UNC13B: variants seen among roughly 807,000 people sequenced by gnomAD.
UNC13B encodes protein unc-13 homolog B.
A neutral mutation model predicts 211.0 loss-of-function variants in UNC13B; 144 were observed. That is an observed-to-expected ratio of 0.68 (90% CI 0.60 to 0.78). The LOEUF is 0.78. Ranked by LOEUF, UNC13B falls within the 30% of genes least tolerant of loss-of-function variation. The pLI is 0.00. For missense variants in UNC13B, 1,777 were observed against 2,002.0 expected, an observed-to-expected ratio of 0.89 and a Z score of 2.14; for synonymous variants, 709 against 725.8, an observed-to-expected ratio of 0.98 and a Z score of 0.37.
At chr9:35,189,543 A>G (rs1035062254) in intron 1 of UNC13B, among the ~76,000 whole-genome samples, 2 of 152,230 alleles carry the variant, frequency 1.3e-5, no homozygotes, top group Non-Finnish European at 2.9e-5. Context: ...ATGTGAACTA[A>G]AAAATATTTA....
At chr9:35,250,856 T>C (rs1349647829) in intron 6 of UNC13B, among the ~76,000 whole-genome samples, 1 of 152,162 alleles carries the variant, frequency 6.6e-6, no homozygotes, top group East Asian at 1.9e-4. Flanking sequence ...TCTTCGATTC[T>C]TAGCATGTAT....
intron 11 of UNC13B, among the ~76,000 whole-genome samples, chr9:35,330,826 C>T (rs1028935655): frequency 7.2e-5 from 11 of 152,066 alleles, no homozygotes; most frequent in African/African-American, 2.2e-4. Context: ...GGCAGTGGAT[C>T]ATTTGGAAGG....
intron 5 of UNC13B, among the ~76,000 whole-genome samples, chr9:35,238,426 A>C (rs1348621935): frequency 6.6e-6 from 1 of 152,090 alleles, no homozygotes; most frequent in Admixed American, 6.6e-5. Flanking sequence ...ATCATACCCT[A>C]TGTAATATTT....
chr9:35,171,805 A>T (rs1184991156), intron 1 of UNC13B, among the ~76,000 whole-genome samples: 5 of 152,174 alleles, frequency 3.3e-5, no homozygotes, highest in Admixed American at 2.6e-4. Flanking sequence ...ATCTTGTTAG[A>T]TGCATATACT....
At chr9:35,272,288 C>T (rs1329642824) in intron 7 of UNC13B, among the ~76,000 whole-genome samples, 2 of 130,438 alleles carry the variant, frequency 1.5e-5, no homozygotes, top group Admixed American at 8.9e-5. Context: ...GATGGAGTCT[C>T]ACTCTGTCGT....
intron 7 of UNC13B, among the ~76,000 whole-genome samples, chr9:35,289,205 C>T (rs1382846920): frequency 1.3e-5 from 2 of 152,008 alleles, no homozygotes; most frequent in Non-Finnish European, 2.9e-5. Flanking sequence ...ATTAGTAGTC[C>T]CGTATGCCCA....
At chr9:35,180,106 G>C (rs1821852846) in intron 1 of UNC13B, among the ~76,000 whole-genome samples, 1 of 152,156 alleles carries the variant, frequency 6.6e-6, no homozygotes, top group African/African-American at 2.4e-5. Flanking sequence ...AGATACACTT[G>C]AACACTTGTA....
At chr9:35,218,064 T>A (rs1340224428) in intron 1 of UNC13B, among the ~76,000 whole-genome samples, 1 of 151,934 alleles carries the variant, frequency 6.6e-6, no homozygotes, top group Non-Finnish European at 1.5e-5. Flanking sequence ...AATTATAACC[T>A]GTAAGGGAGT....
At chr9:35,289,405 T>C (rs1426401706) in intron 7 of UNC13B, among the ~76,000 whole-genome samples, 2 of 152,218 alleles carry the variant, frequency 1.3e-5, no homozygotes, top group African/African-American at 4.8e-5. Context: ...TTCTAGGAGT[T>C]GTGTCTTTTT....
chr9:35,364,523 T>C, intron 11 of UNC13B: 1 of 1,536,062 alleles, frequency 6.5e-7, no homozygotes, highest in Non-Finnish European at 8.7e-7. Flanking sequence ...TGCCCTTTTT[T>C]CTGCTCTTTC....
chr9:35,316,951 CTG>C (rs997077033), intron 11 of UNC13B, among the ~76,000 whole-genome samples: 1 of 152,000 alleles, frequency 6.6e-6, no homozygotes, highest in Non-Finnish European at 1.5e-5. Context: ...AAAAGTATCA[CTG>C]TGAATATTTT....
At chr9:35,352,438 A>C (rs1832774571) in intron 11 of UNC13B, 2 of 1,231,998 alleles carry the variant, frequency 1.6e-6, no homozygotes, top group South Asian at 8.2e-5. Context: ...CCAGAGAAGA[A>C]CCAAGCTGCC....
chr9:35,365,628 T>G (rs1833724661), intron 11 of UNC13B, among the ~76,000 whole-genome samples: 1 of 152,184 alleles, frequency 6.6e-6, no homozygotes. Flanking sequence ...TTAGAAGACT[T>G]GCAGCTTTTC....
chr9:35,196,961 G>C (rs952717730), intron 1 of UNC13B, among the ~76,000 whole-genome samples: 1 of 151,862 alleles, frequency 6.6e-6, no homozygotes, highest in Non-Finnish European at 1.5e-5. Flanking sequence ...TGTAGAGACA[G>C]GATCTCCCTA....
chr9:35,201,782 AC>A lies in UNC13B; in HGVS notation c.23-26231del, dbSNP rs1823311356. On this transcript the variant is annotated intron_variant, in intron 1 of 39. Coordinates refer to ENST00000635942, the MANE Select transcript of UNC13B (RefSeq NM_001371189.2). ...TCAATTTTGTTGATCTTTTCAAAAA[AC>A]CAGCTCCTGGATTCATTGATTTTTT... is the stretch of plus-strand genomic sequence containing the variant. Among the ~76,000 whole-genome samples, 5 of 150,888 alleles carry A rather than the reference AC, an allele frequency of 3.3e-5. No individual in the cohort carries two copies. In the Admixed American group the frequency reaches 3.3e-4, roughly 10 times the overall value.
chr9:35,249,475 T>C, intron 6 of UNC13B, among the ~76,000 whole-genome samples: 1 of 152,168 alleles, frequency 6.6e-6, no homozygotes, highest in South Asian at 2.1e-4. Flanking sequence ...ATTTAGCATG[T>C]TTTTGCAGTG....
chr9:35,271,939 T>G (rs1273283122), intron 7 of UNC13B, among the ~76,000 whole-genome samples: 1 of 152,320 alleles, frequency 6.6e-6, no homozygotes, highest in East Asian at 1.9e-4. Context: ...TAGGAAGTAT[T>G]CAAGGAAAAT....
At chr9:35,396,351 T>G in intron 26 of UNC13B, 125 bp from the exon 27 acceptor site, 1 of 1,221,946 alleles carries the variant, frequency 8.2e-7, no homozygotes, top group Admixed American at 2.1e-5. Flanking sequence ...GAGAAGGAGG[T>G]TGGGAGTCAC....
intron 11 of UNC13B, chr9:35,361,675 A>T (rs1427603547): frequency 6.6e-6 from 1 of 152,268 alleles, no homozygotes; most frequent in Non-Finnish European, 1.5e-5. Context: ...GACAACTACA[A>T]TATATGATAC....
Sources: allele counts gnomAD v4.1 joint callset (sites outside exome capture counted in the v4.1 genomes callset), GRCh38; gene constraint gnomAD v4.1.1; transcripts MANE v1.5; gene names NCBI Gene and HGNC (gene_info 2026-07-23, HGNC 2026-07-21).